The following IL1RAPL1 variants were observed in gnomAD, a reference collection of about 807,000 sequenced individuals.
IL1RAPL1 encodes interleukin 1 receptor accessory protein like 1.
IL1RAPL1 carries 3 observed loss-of-function variants against 48.4 expected under a neutral mutation model. The observed-to-expected ratio is 0.06, with a 90% CI of 0.03 to 0.16. The LOEUF (loss-of-function observed/expected upper bound fraction) is 0.16, where lower values mean the gene tolerates loss of function less well. Ranked by LOEUF, IL1RAPL1 falls within the 10% of genes least tolerant of loss-of-function variation. IL1RAPL1 has a pLI of 1.00. For missense variants in IL1RAPL1, 349 were observed against 530.6 expected (o/e 0.66, Z 3.36); for synonymous variants, 185 against 187.7 (o/e 0.99, Z 0.12).
chrX:29,664,614 T>C (rs955105044), intron 5 of IL1RAPL1, among the ~76,000 whole-genome samples: 2 of 111,628 alleles, frequency 1.8e-5, no homozygotes, highest in Non-Finnish European at 1.9e-5. Context: ...ACATGTATTA[T>C]AGACACCTCA....
chrX:29,921,598 G>A (rs1932848701), intron 8 of IL1RAPL1, among the ~76,000 whole-genome samples: 2 of 111,978 alleles, frequency 1.8e-5, no homozygotes, highest in South Asian at 7.5e-4. Context: ...ACATATACAA[G>A]GACAGAAGTA....
At chrX:28,728,203 T>C (rs140433440) in intron 1 of IL1RAPL1, among the ~76,000 whole-genome samples, 3,303 of 112,200 alleles carry the variant, frequency 0.029, 126 homozygotes, top group African/African-American at 0.1. Context: ...TATTGTTGAA[T>C]ACTATACTAT....
At chrX:29,014,170 CT>C (rs1277731091) in intron 2 of IL1RAPL1, among the ~76,000 whole-genome samples, 1 of 111,360 alleles carries the variant, frequency 9.0e-6, no homozygotes, top group African/African-American at 3.3e-5. Context: ...AGGTATGCGC[CT>C]TACAGTCCTG....
intron 2 of IL1RAPL1, among the ~76,000 whole-genome samples, chrX:29,041,486 C>G (rs1385492983): frequency 8.9e-6 from 1 of 111,787 alleles, no homozygotes; most frequent in Admixed American, 9.5e-5. Context: ...TACAAGCAAC[C>G]GAGCAGAAAA....
chrX:28,825,618 T>C (rs900872172), intron 2 of IL1RAPL1, among the ~76,000 whole-genome samples: 2 of 111,370 alleles, frequency 1.8e-5, no homozygotes, highest in Admixed American at 9.6e-5. Flanking sequence ...ATTATTGTGG[T>C]TCCATTTCAT....
chrX:28,791,759 T>C (rs1483018340), intron 2 of IL1RAPL1, among the ~76,000 whole-genome samples: 1 of 111,921 alleles, frequency 8.9e-6, no homozygotes. Context: ...GTTTGTTTGA[T>C]TTTTGGATAT....
chrX:29,887,114 A>C, intron 6 of IL1RAPL1, among the ~76,000 whole-genome samples: 1 of 112,135 alleles, frequency 8.9e-6, no homozygotes, highest in Non-Finnish European at 1.9e-5. Context: ...CTTCTTCAGC[A>C]CAAAGAAGGA....
chrX:29,216,072 C>G (rs1270957659), intron 2 of IL1RAPL1, among the ~76,000 whole-genome samples: 1 of 112,083 alleles, frequency 8.9e-6, no homozygotes. Flanking sequence ...CAACAAATAG[C>G]TTCAGATTTA....
In IL1RAPL1 at chrX:29,058,187, T is replaced by C. The variant is rs746199439; in HGVS notation, c.83-224751T>C. ...TCAGGAGATCGAGACCATCCTGGCCTACATGGTGAAACCCCCCCGTCTCTA... is the reference window on the plus strand; with the variant it reads ...TCAGGAGATCGAGACCATCCTGGCCCACATGGTGAAACCCCCCCGTCTCTA... On this transcript the variant is annotated intron_variant, in intron 2 of 10. Coordinates refer to ENST00000378993, the MANE Select transcript of IL1RAPL1 (RefSeq NM_014271.4). Among the ~76,000 whole-genome samples, 49 of 109,948 alleles carry C rather than the reference T, an allele frequency of 4.5e-4. 1 individual carries two copies. The highest frequency in any genetic ancestry group is 5.8e-4 in the Admixed American group (6 of 10,278).
chrX:29,158,910 TTCTCTCTC>T (rs200150150), intron 2 of IL1RAPL1, among the ~76,000 whole-genome samples: 1 of 84,443 alleles, frequency 1.2e-5, no homozygotes, highest in African/African-American at 5.1e-5. Context: ...TTCTTTTCTT[TTCTCTCTC>T]TCTCTCTCTC....
chrX:29,206,716 A>T (rs369910088), intron 2 of IL1RAPL1, among the ~76,000 whole-genome samples: 1 of 112,132 alleles, frequency 8.9e-6, no homozygotes, highest in Non-Finnish European at 1.9e-5. Context: ...TAATATATAC[A>T]TATGTATACA....
At chrX:29,650,209 A>C (rs1016510063) in intron 5 of IL1RAPL1, among the ~76,000 whole-genome samples, 1 of 111,961 alleles carries the variant, frequency 8.9e-6, no homozygotes, top group Non-Finnish European at 1.9e-5. Context: ...ACTCAAAGTG[A>C]TCTACAGAGT....
intron 2 of IL1RAPL1, among the ~76,000 whole-genome samples, chrX:29,241,398 C>G (rs1205861539): frequency 9.0e-6 from 1 of 111,161 alleles, no homozygotes; most frequent in Non-Finnish European, 1.9e-5. Flanking sequence ...AGCTTTTTGC[C>G]TCATTTCTCT....
At chrX:29,500,144 AT>A (rs200494308) in intron 5 of IL1RAPL1, among the ~76,000 whole-genome samples, 9 of 108,867 alleles carry the variant, frequency 8.3e-5, no homozygotes, top group Non-Finnish European at 1.3e-4. Flanking sequence ...CACCTGGCTA[AT>A]TTTTTTTGTA....
At chrX:29,569,733 C>G (rs902445913) in intron 5 of IL1RAPL1, among the ~76,000 whole-genome samples, 1 of 111,184 alleles carries the variant, frequency 9.0e-6, no homozygotes, top group Non-Finnish European at 1.9e-5. Context: ...TACTTATGGT[C>G]GCGTTAAAAT....
At chrX:29,245,477 A>G (rs1391458576) in intron 2 of IL1RAPL1, among the ~76,000 whole-genome samples, 14 of 111,757 alleles carry the variant, frequency 1.3e-4, no homozygotes, top group African/African-American at 3.9e-4. Context: ...TCTAACTGGC[A>G]TGAGATGGTA....
intron 3 of IL1RAPL1, among the ~76,000 whole-genome samples, chrX:29,391,665 G>A (rs1469410865): frequency 9.0e-6 from 1 of 111,606 alleles, no homozygotes; most frequent in Non-Finnish European, 1.9e-5. Flanking sequence ...GTTTATTTTA[G>A]ACTGTAAAGT....
At position 29,175,056 on chromosome X, in the gene IL1RAPL1, A is replaced by AGC. The variant is rs146173237; in HGVS notation, c.83-107881_83-107880insCG. Among the ~76,000 whole-genome samples, 62 of 93,379 alleles carry AGC rather than the reference A, an allele frequency of 6.6e-4. 1 individual carries two copies. In the South Asian group the frequency reaches 0.034, roughly 51 times the overall value. 81.1% of individuals were successfully genotyped at this position (93,379 alleles called of 115,157 possible). ...GGCACTGCACTCCAGCCTGGGCAAC[A>AGC]GTGTGAGACTCCGTCTCAAAAAAAA... On this transcript the variant is annotated intron_variant, in intron 2 of 10. Coordinates refer to ENST00000378993, the MANE Select transcript of IL1RAPL1 (RefSeq NM_014271.4).
intron 2 of IL1RAPL1, among the ~76,000 whole-genome samples, chrX:29,190,614 T>C (rs757934224): frequency 8.9e-6 from 1 of 112,644 alleles, no homozygotes; most frequent in African/African-American, 3.2e-5. Flanking sequence ...TACAAAAGAC[T>C]GTTCCTTGCT....
Sources: gnomAD v4.1 joint callset for allele counts (sites outside exome capture counted in the v4.1 genomes callset) on GRCh38, gnomAD v4.1.1 for gene constraint, MANE v1.5 for transcripts, NCBI Gene and HGNC (gene_info 2026-07-23, HGNC 2026-07-21) for gene names.